The following DHRS9 variants were observed in gnomAD, a reference collection of about 807,000 sequenced individuals.
DHRS9 encodes dehydrogenase/reductase SDR family member 9.
Under a neutral mutation model 26.6 loss-of-function variants are expected in DHRS9, and 18 were observed. The ratio of observed to expected loss-of-function variants is 0.68; its 90% CI spans 0.47 to 1.00. The LOEUF is 1.00. DHRS9 is among the 50% of genes least tolerant of loss of function. The pLI is 0.00. For missense variants in DHRS9, 425 were observed against 378.7 expected, an observed-to-expected ratio of 1.12 and a Z score of -1.01; for synonymous variants, 134 against 141.1, an observed-to-expected ratio of 0.95 and a Z score of 0.36.
intron 4 of DHRS9, 24 bp downstream of exon 4, chr2:169,091,977 G>A (rs1684545453): frequency 6.2e-7 from 1 of 1,609,802 alleles, no homozygotes; most frequent in Non-Finnish European, 8.5e-7. Flanking sequence ...CGGTGCCAAT[G>A]TCCTCTAGAA....
In DHRS9 at chr2:169,081,527, C is replaced by A; in HGVS notation, c.-55C>A. ...TTTTTCACTTTGAACACTCAGGACACCATCTTCTTGTATTATACAAGAAAG... is the reference window on the plus strand; with the variant it reads ...TTTTTCACTTTGAACACTCAGGACAACATCTTCTTGTATTATACAAGAAAG... On this transcript the variant is annotated 5_prime_UTR_variant, in exon 2 of 5. Coordinates refer to ENST00000674881, the MANE Select transcript of DHRS9 (RefSeq NM_001376924.1). The A allele has an allele frequency of 6.4e-7, 1 of 1,566,362 alleles. No individual in the cohort carries two copies. Among genetic ancestry groups the A allele is most frequent in the Non-Finnish European group, 8.6e-7 (1 of 1,160,736 alleles).
chr2:169,093,954 T>TGGG, intron 4 of DHRS9, among the ~76,000 whole-genome samples: 2 of 152,232 alleles, frequency 1.3e-5, no homozygotes. Flanking sequence ...AGGTATGGTT[T>TGGG]AAAAGTATGT....
At chr2:169,085,091 C>T (rs1684309315) in intron 3 of DHRS9, among the ~76,000 whole-genome samples, 1 of 152,142 alleles carries the variant, frequency 6.6e-6, no homozygotes, top group Non-Finnish European at 1.5e-5. Flanking sequence ...ATTGAAAAGA[C>T]TATCCTTTCC....
rs1558952590 is a variant in DHRS9, at chr2:169,081,851, C to T, written c.270C>T (p.Val90=). The T allele has an allele frequency of 6.2e-7, 1 of 1,613,240 alleles. No homozygotes were observed. Among genetic ancestry groups the T allele is most frequent in the Non-Finnish European group, 8.5e-7 (1 of 1,179,576 alleles). Residue 90 remains valine (V), a synonymous_variant, in exon 2 of 5, where the codon GTC becomes GTT. Transcript: ENST00000674881. The stretch of plus-strand genomic sequence containing the variant: ...TGGATGTGACCGACCCAGAGAATGT[C>T]AAGAGGACTGCCCAGTGGGTGAAGA... ...VLLDVTDPEN[V]KRTAQWVKNQ...
At chr2:169,090,868 G>A (rs1022542467) in intron 3 of DHRS9, among the ~76,000 whole-genome samples, 3 of 152,138 alleles carry the variant, frequency 2.0e-5, no homozygotes, top group East Asian at 3.9e-4. Context: ...ACTCTCTCGC[G>A]ATGCTGTGCA....
chr2:169,087,592 C>G (rs1305028010), intron 3 of DHRS9, among the ~76,000 whole-genome samples: 2 of 152,036 alleles, frequency 1.3e-5, no homozygotes, highest in Non-Finnish European at 2.9e-5. Context: ...TGGGAATGTC[C>G]TAGGTCACAC....
At position 169,081,606 on chromosome 2, in the gene DHRS9, C is replaced by T. The variant is rs1434702193; in HGVS notation, c.25C>T (p.Leu9=). Residue 9 remains leucine, a synonymous_variant, in exon 2 of 5, where the codon CTA becomes TTA. Coordinates refer to ENST00000674881, the MANE Select transcript of DHRS9 (RefSeq NM_001376924.1). The stretch of plus-strand genomic sequence containing the variant: ...AATGCTCTTTTGGGTGCTAGGCCTC[C>T]TAATCCTCTGTGGTTTTCTGTGGAC... MLFWVLGL[L]ILCGFLWTRK... 7 of 1,614,008 alleles carry T rather than the reference C, an allele frequency of 4.3e-6. No homozygotes were observed. The highest frequency in any genetic ancestry group is 4.2e-6 in the Non-Finnish European group (5 of 1,180,038).
rs2105283090 is a variant in DHRS9, at chr2:169,076,519, C to A, written c.-59-5004C>A. Among the ~76,000 whole-genome samples, 2 of 152,088 alleles carry A rather than the reference C, an allele frequency of 1.3e-5. 1 individual carries two copies. Among genetic ancestry groups the A allele is most frequent in the South Asian group, 4.1e-4 (2 of 4,828 alleles). ...CGGGTAGATCTAGAAAGTTACCTATCCATTTTTGTATTTACTGACTCATAT... is the reference window on the plus strand; with the variant it reads ...CGGGTAGATCTAGAAAGTTACCTATACATTTTTGTATTTACTGACTCATAT... On this transcript the variant is annotated intron_variant, in intron 1 of 4. Transcript: ENST00000674881.
rs575030365 is a variant in DHRS9 at position 169,073,474 on chromosome 2, A to G, written c.-60+3757A>G. Among the ~76,000 whole-genome samples the G allele has an allele frequency of 1.8e-4, 28 of 152,344 alleles. No individual in the cohort carries two copies. The South Asian group carries it at 5.0e-3, about 27-fold the overall frequency. On this transcript the variant is annotated intron_variant, in intron 1 of 4. Transcript: ENST00000674881. The stretch of plus-strand genomic sequence containing the variant: ...CCTGACTTGGTCAACCAGGAACTTG[A>G]GAATCATAGATTTGCTAGGAGGATA...
At chr2:169,069,908 G>A (rs549066880) in intron 1 of DHRS9, among the ~76,000 whole-genome samples, 191 bp downstream of exon 1, 5 of 152,118 alleles carry the variant, frequency 3.3e-5, no homozygotes, top group South Asian at 4.1e-4. Context: ...AAATGACCTC[G>A]GTGTGACCTG....
chr2:169,081,406 T>C (rs1684176769), intron 1 of DHRS9, 117 bp from the exon 2 acceptor site: 17 of 1,274,774 alleles, frequency 1.3e-5, no homozygotes, highest in Non-Finnish European at 1.6e-5. Flanking sequence ...AGTTATTGTT[T>C]CTTTAACTTT....
intron 1 of DHRS9, among the ~76,000 whole-genome samples, chr2:169,071,756 C>A (rs1478471487): frequency 1.3e-5 from 2 of 152,158 alleles, no homozygotes; most frequent in African/African-American, 4.8e-5. Flanking sequence ...AATACCAACT[C>A]AACTATATCA....
chr2:169,091,944 A>G lies in DHRS9; in HGVS notation c.727A>G (p.Ile243Val). Residue 243 changes from isoleucine (I) to valine (V), a missense_variant, in exon 4 of 5, where the codon ATT becomes GTT. By Grantham distance (29) the Ile-to-Val change is conservative. Coordinates refer to ENST00000674881, the MANE Select transcript of DHRS9 (RefSeq NM_001376924.1). ...CAAACAACAATATGGAGAAGGTTAC[A>G]TTGAAAAAAGTGAGTTTCCGGGCGG... ...DIKQQYGEGY[I>V]EKSLDKLKGN... is the part of the protein sequence containing the mutation. 1 of 1,613,746 alleles carries G rather than the reference A, an allele frequency of 6.2e-7. No homozygotes were observed. Among genetic ancestry groups the G allele is most frequent in the Non-Finnish European group, 8.5e-7 (1 of 1,179,878 alleles).
At chr2:169,084,997 A>G (rs1467876996) in intron 3 of DHRS9, among the ~76,000 whole-genome samples, 2 of 152,086 alleles carry the variant, frequency 1.3e-5, no homozygotes, top group Non-Finnish European at 1.5e-5. Context: ...CCATTTTGAT[A>G]TGATTTTTGT....
At chr2:169,084,239 A>G (rs1054134058) in intron 3 of DHRS9, among the ~76,000 whole-genome samples, 1 of 151,924 alleles carries the variant, frequency 6.6e-6, no homozygotes, top group African/African-American at 2.4e-5. Context: ...TCATTTTTCT[A>G]TTGATGGACA....
At chr2:169,089,079 T>C (rs887610833) in intron 3 of DHRS9, among the ~76,000 whole-genome samples, 7 of 152,132 alleles carry the variant, frequency 4.6e-5, no homozygotes, top group Non-Finnish European at 7.4e-5. Flanking sequence ...TGGCAGGAAA[T>C]GGTGGCACAT....
chr2:169,075,493 A>C (rs867708910), intron 1 of DHRS9, among the ~76,000 whole-genome samples: 1 of 152,206 alleles, frequency 6.6e-6, no homozygotes, highest in South Asian at 2.1e-4. Flanking sequence ...ACATCATCAC[A>C]GTATAATTAT....
intron 2 of DHRS9, among the ~76,000 whole-genome samples, chr2:169,082,870 G>A (rs867436732): frequency 7.2e-5 from 9 of 125,240 alleles, no homozygotes; most frequent in Non-Finnish European, 9.8e-5. Context: ...ATCACACATC[G>A]GGGCCTGTTG....
At chr2:169,082,046 T>C (rs1263602359) in intron 2 of DHRS9, 152 bp downstream of exon 2, 2 of 849,540 alleles carry the variant, frequency 2.4e-6, no homozygotes, top group Non-Finnish European at 3.6e-6. Flanking sequence ...GGATAGCTTC[T>C]GAGTAGTTCC....
Sources: allele counts gnomAD v4.1 joint callset (sites outside exome capture counted in the v4.1 genomes callset), GRCh38; gene constraint gnomAD v4.1.1; transcripts MANE v1.5; gene names NCBI Gene and HGNC (gene_info 2026-07-23, HGNC 2026-07-21).